Variants in SMG6 observed in about 807,000 individuals in gnomAD.
SMG6 encodes telomerase-binding protein EST1A.
Under a neutral mutation model 142.2 loss-of-function variants are expected in SMG6, and 66 were observed. That is an observed-to-expected ratio of 0.46 (90% CI 0.38 to 0.57). SMG6 has a LOEUF of 0.57. Among genes scored for constraint, SMG6 ranks in the 20% least tolerant of loss-of-function variants. The pLI is 0.00. For missense variants in SMG6, 1,793 were observed against 1,832.0 expected, an observed-to-expected ratio of 0.98 and a Z score of 0.39; for synonymous variants, 779 against 702.4, an observed-to-expected ratio of 1.11 and a Z score of -1.72.
intron 10 of SMG6, among the ~76,000 whole-genome samples, chr17:2,222,379 G>A (rs564614853): frequency 6.8e-4 from 104 of 151,974 alleles, no homozygotes; most frequent in African/African-American, 2.4e-3. Context: ...CAGACAGATG[G>A]CTGGATGCAG....
At chr17:2,264,522 C>T (rs765169651) in intron 8 of SMG6, among the ~76,000 whole-genome samples, 23 of 152,184 alleles carry the variant, frequency 1.5e-4, no homozygotes, top group Non-Finnish European at 2.6e-4. Context: ...CTTTTCACAA[C>T]ACCAGCAACA....
intron 13 of SMG6, among the ~76,000 whole-genome samples, chr17:2,157,933 C>T (rs1363710067): frequency 6.6e-6 from 1 of 152,194 alleles, no homozygotes; most frequent in Non-Finnish European, 1.5e-5. Flanking sequence ...CTCCCACCAC[C>T]AGTAGAACCT....
chr17:2,245,188 A>G (rs2073901986), intron 8 of SMG6, among the ~76,000 whole-genome samples: 1 of 152,310 alleles, frequency 6.6e-6, no homozygotes, highest in South Asian at 2.1e-4. Context: ...GTAACCCACC[A>G]CTAACTAGCT....
intron 8 of SMG6, among the ~76,000 whole-genome samples, chr17:2,254,627 G>A (rs910739649): frequency 6.6e-6 from 1 of 152,160 alleles, no homozygotes; most frequent in Non-Finnish European, 1.5e-5. Flanking sequence ...GAGATACCGT[G>A]CTCGGCCATC....
chr17:2,128,883 A>G (rs1031937081), intron 13 of SMG6, among the ~76,000 whole-genome samples: 2 of 151,850 alleles, frequency 1.3e-5, no homozygotes, highest in African/African-American at 4.8e-5. Flanking sequence ...AAGACAGAAA[A>G]AGAAAGAAAG....
At chr17:2,168,883 G>A (rs1358099447) in intron 13 of SMG6, among the ~76,000 whole-genome samples, 1 of 151,606 alleles carries the variant, frequency 6.6e-6, no homozygotes, top group Non-Finnish European at 1.5e-5. Context: ...CGAGTAGCTG[G>A]GATTACACGG....
intron 12 of SMG6, among the ~76,000 whole-genome samples, chr17:2,176,265 C>T (rs1041022305): frequency 6.6e-6 from 1 of 152,164 alleles, no homozygotes; most frequent in Non-Finnish European, 1.5e-5. Context: ...CCAGGAGCAC[C>T]TTCTAGCCTT....
intron 13 of SMG6, among the ~76,000 whole-genome samples, chr17:2,163,187 A>T (rs1444415766): frequency 6.6e-6 from 1 of 151,950 alleles, no homozygotes; most frequent in Non-Finnish European, 1.5e-5. Flanking sequence ...TAATACAAAG[A>T]TTATTTTATT....
intron 15 of SMG6, 110 bp from the exon 16 acceptor site, chr17:2,069,041 C>T (rs2068026801): frequency 9.3e-7 from 1 of 1,074,214 alleles, no homozygotes; most frequent in Non-Finnish European, 1.4e-6. Context: ...GAACCTCTTC[C>T]CCTCCACAGT....
intron 13 of SMG6, among the ~76,000 whole-genome samples, chr17:2,098,670 G>GC (rs960870984): frequency 2.0e-5 from 3 of 152,014 alleles, no homozygotes; most frequent in Non-Finnish European, 4.4e-5. Context: ...CGGTCTTGTT[G>GC]CCCAGGCTGG....
At chr17:2,291,789 C>T (rs1370428735) in intron 6 of SMG6, among the ~76,000 whole-genome samples, 1 of 146,718 alleles carries the variant, frequency 6.8e-6, no homozygotes, top group Non-Finnish European at 1.5e-5. Flanking sequence ...GGAGGATCAC[C>T]TAAGCCAGTA....
At chr17:2,117,270 C>CA (rs1367966079) in intron 13 of SMG6, among the ~76,000 whole-genome samples, 1 of 151,878 alleles carries the variant, frequency 6.6e-6, no homozygotes, top group Non-Finnish European at 1.5e-5. Context: ...TGCCTGCTCT[C>CA]ACCATTTCCT....
At chr17:2,062,314 C>T (rs917753184) in intron 18 of SMG6, 4 of 152,254 alleles carry the variant, frequency 2.6e-5, no homozygotes, top group African/African-American at 4.8e-5. Context: ...CCCAGTTCTC[C>T]GTCTTGTACC....
chr17:2,180,795 G>A (rs1439428607), intron 12 of SMG6, among the ~76,000 whole-genome samples: 1 of 152,228 alleles, frequency 6.6e-6, no homozygotes, highest in Non-Finnish European at 1.5e-5. Flanking sequence ...CCATTTGGAA[G>A]TGGGGTTTCT....
At chr17:2,080,707 C>T (rs566771649) in intron 15 of SMG6, among the ~76,000 whole-genome samples, 2 of 151,668 alleles carry the variant, frequency 1.3e-5, no homozygotes, top group East Asian at 2.0e-4. Context: ...GCAAGATTGG[C>T]TCACTGCAAC....
intron 13 of SMG6, among the ~76,000 whole-genome samples, chr17:2,126,590 C>T (rs1204424504): frequency 1.3e-5 from 2 of 151,506 alleles, no homozygotes; most frequent in Admixed American, 6.6e-5. Context: ...CCAGGTGGGC[C>T]CCTGTAATCT....
chr17:2,172,557 T>C, intron 13 of SMG6, 101 bp downstream of exon 13: 1 of 1,254,404 alleles, frequency 8.0e-7, no homozygotes. Context: ...TCTCAATGAC[T>C]TAATCATGTT....
chr17:2,231,934 G>A (rs1179625601), intron 10 of SMG6, among the ~76,000 whole-genome samples: 1 of 152,100 alleles, frequency 6.6e-6, no homozygotes, highest in East Asian at 1.9e-4. Context: ...ACAGAAAAGG[G>A]AAGTTATTCC....
chr17:2,224,772 C>T (rs1167623905), intron 10 of SMG6, among the ~76,000 whole-genome samples: 5 of 152,042 alleles, frequency 3.3e-5, no homozygotes, highest in South Asian at 2.1e-4. Context: ...ACATGAAGCC[C>T]GACAAATACT....
Sources: gnomAD v4.1 joint callset for allele counts (sites outside exome capture counted in the v4.1 genomes callset) on GRCh38, gnomAD v4.1.1 for gene constraint, MANE v1.5 for transcripts, NCBI Gene and HGNC (gene_info 2026-07-23, HGNC 2026-07-21) for gene names.